Variants in DGKH observed in about 807,000 individuals in gnomAD.
DGKH encodes diacylglycerol kinase eta.
DGKH carries 90 observed loss-of-function variants against 159.3 expected under a neutral mutation model. The ratio of observed to expected loss-of-function variants is 0.57; its 90% CI spans 0.48 to 0.67. The LOEUF (loss-of-function observed/expected upper bound fraction) is 0.67, where lower values mean the gene tolerates loss of function less well. DGKH is among the 30% of genes least tolerant of loss of function. DGKH has a pLI of 0.00. For missense variants in DGKH, 1,181 were observed against 1,506.1 expected (o/e 0.78, Z 3.57); for synonymous variants, 536 against 553.8 (o/e 0.97, Z 0.45).
Position 42,215,583 on chromosome 13 carries a change from A to T in DGKH, c.3129A>T (p.Thr1043=). The T allele has an allele frequency of 6.2e-7, 1 of 1,609,824 alleles. No homozygotes were observed. The highest frequency in any genetic ancestry group is 1.1e-5 in the South Asian group (1 of 90,428). Residue 1043 remains threonine (T), a synonymous_variant, in exon 26 of 30, where the codon ACA becomes ACT. Transcript: ENST00000337343. ...KANPRCPESL[T]RDTATEIAIN... is the part of the protein sequence containing the mutation. ...ATATTCTTCTTTTCTAGAGTCTTAC[A>T]AGAGACACTGCCACTGAAATAGCCA...
In DGKH at chr13:42,214,520, G is replaced by A. The variant is rs1204237437; in HGVS notation, c.3028G>A (p.Ala1010Thr). ...TTTTGCTTTTAGGATATGTGACGCA[G>A]CCACAATTCACTGTCTTTTGGAGCA... Reference protein sequence around the residue: ...EELITRICDAATIHCLLEQEL... With the variant: ...EELITRICDATTIHCLLEQEL... The change falls in exon 25 of 30, where the codon GCC (alanine) becomes ACC (threonine). Residue 1010 changes from alanine to threonine, a missense_variant. Around this residue, in one of 5 missense-constraint regions of DGKH, gnomAD observed 335 missense variants for 495.2 expected, o/e 0.68. Coordinates refer to ENST00000337343, the MANE Select transcript of DGKH (RefSeq NM_178009.5). 6.2e-7 allele frequency: 1 copy of A among 1,611,776 alleles called. No individual in the cohort carries two copies. Among genetic ancestry groups the A allele is most frequent in the Non-Finnish European group, 8.5e-7 (1 of 1,178,950 alleles).
intron 16 of DGKH, among the ~76,000 whole-genome samples, chr13:42,193,020 C>G (rs1256006605): frequency 1.3e-5 from 2 of 152,124 alleles, no homozygotes; most frequent in African/African-American, 4.8e-5. Context: ...GAACTTTTAT[C>G]TTTTTTATTT....
intron 3 of DGKH, among the ~76,000 whole-genome samples, chr13:42,132,425 G>A (rs1034915636): frequency 5.9e-5 from 9 of 152,156 alleles, no homozygotes; most frequent in Admixed American, 3.3e-4. Flanking sequence ...TCTGAAAGAG[G>A]GTTTCAGAAT....
rs1958328196 is a variant in DGKH, at chr13:42,232,666, A to G, written c.*3478A>G. On this transcript the variant is annotated 3_prime_UTR_variant, in exon 30 of 30. Transcript: ENST00000337343. ...AAAACAATTTAAAGACACTAATTTT[A>G]CAGTTTGCGTTCTGTAAAAGGATAC... The G allele has an allele frequency of 6.6e-6, 1 of 152,212 alleles. No individual in the cohort carries two copies. Among genetic ancestry groups the G allele is most frequent in the Non-Finnish European group, 1.5e-5 (1 of 68,028 alleles). 9.4% of individuals were successfully genotyped at this position (152,212 alleles called of 1,614,324 possible). A position where few individuals can be genotyped will look rare whatever the true frequency, so the allele number is the denominator to read the frequency against.
chr13:42,110,910 G>A (rs114592541), intron 1 of DGKH, among the ~76,000 whole-genome samples: 2,493 of 152,238 alleles, frequency 0.016, 60 homozygotes, highest in East Asian at 0.083. Context: ...ACACTCAGTG[G>A]GGGGAGGAAG....
intron 1 of DGKH, among the ~76,000 whole-genome samples, chr13:42,123,533 AT>A (rs1955113618): frequency 2.6e-5 from 1 of 39,128 alleles, no homozygotes; most frequent in Admixed American, 3.9e-4. Context: ...AAAAGATGCC[AT>A]TAATACAATG....
At chr13:42,199,298 A>G (rs1303655824) in intron 18 of DGKH, among the ~76,000 whole-genome samples, 1 of 152,216 alleles carries the variant, frequency 6.6e-6, no homozygotes. Context: ...TTAAGTAGAA[A>G]TAGAACTAAG....
At chr13:42,119,427 T>G (rs189340326) in intron 1 of DGKH, among the ~76,000 whole-genome samples, 1 of 152,304 alleles carries the variant, frequency 6.6e-6, no homozygotes, top group East Asian at 1.9e-4. Context: ...GTGTTACTGG[T>G]CATCTGCACT....
Position 42,189,328 on chromosome 13 carries a change from A to G in DGKH, c.1912+19A>G. 12 of 1,611,630 alleles carry G rather than the reference A, an allele frequency of 7.4e-6. No homozygotes were observed. Among genetic ancestry groups the G allele is most frequent in the Non-Finnish European group, 1.0e-5 (12 of 1,178,042 alleles). ...GGAAAAGGTACACATTAACAAATTTAGCTTTGGAAGAAGTTGGCAGCATTT... is the reference window on the plus strand; with the variant it reads ...GGAAAAGGTACACATTAACAAATTTGGCTTTGGAAGAAGTTGGCAGCATTT... On this transcript the variant is annotated intron_variant, in intron 15 of 29. Coordinates refer to ENST00000337343, the MANE Select transcript of DGKH (RefSeq NM_178009.5).
intron 16 of DGKH, among the ~76,000 whole-genome samples, chr13:42,192,032 A>T (rs904887576): frequency 2.6e-5 from 4 of 152,300 alleles, no homozygotes; most frequent in Non-Finnish European, 4.4e-5. Context: ...AAGTTACTAT[A>T]AGTAAAGTGC....
intron 1 of DGKH, among the ~76,000 whole-genome samples, chr13:42,042,739 T>A (rs1880587764): frequency 6.6e-6 from 1 of 152,172 alleles, no homozygotes; most frequent in Non-Finnish European, 1.5e-5. Context: ...TGGTTTACAA[T>A]CAGAAAGTCA....
intron 24 of DGKH, among the ~76,000 whole-genome samples, chr13:42,211,526 CG>C: frequency 6.6e-6 from 1 of 152,024 alleles, no homozygotes; most frequent in East Asian, 1.9e-4. Flanking sequence ...GGTGAAACCC[CG>C]TCTCTACTAA....
intron 27 of DGKH, 30 bp downstream of exon 27, chr13:42,219,379 A>C: frequency 6.2e-7 from 1 of 1,610,526 alleles, no homozygotes; most frequent in Non-Finnish European, 8.5e-7. Context: ...TTTCTCTAGA[A>C]ATGTAGACCA....
At chr13:42,110,894 A>G (rs973324615) in intron 1 of DGKH, among the ~76,000 whole-genome samples, 4 of 152,226 alleles carry the variant, frequency 2.6e-5, no homozygotes, top group African/African-American at 4.8e-5. Context: ...ATACTAATTT[A>G]AAAATACACT....
chr13:42,081,575 C>G (rs1268079263), intron 1 of DGKH, among the ~76,000 whole-genome samples: 3 of 152,140 alleles, frequency 2.0e-5, no homozygotes, highest in Admixed American at 2.0e-4. Flanking sequence ...TCAGTTTGGA[C>G]TTAAACAGCT....
chr13:42,135,519 G>C (rs1348837042), intron 3 of DGKH, among the ~76,000 whole-genome samples: 2 of 106,412 alleles, frequency 1.9e-5, no homozygotes, highest in African/African-American at 5.9e-5. Context: ...GAGAGAGAGA[G>C]AAAAAGAAAA....
intron 1 of DGKH, among the ~76,000 whole-genome samples, chr13:42,111,790 G>A (rs1263796925): frequency 6.6e-6 from 1 of 152,128 alleles, no homozygotes; most frequent in Non-Finnish European, 1.5e-5. Context: ...ATTAGGTCTC[G>A]CGGGGCAGAC....
At position 42,236,917 on chromosome 13, in the gene DGKH, G is replaced by A. The variant is rs1251881881; in HGVS notation, c.*7729G>A. ...GACTCTGTCTCAGGGGGAAAAAAAA[G>A]AATTTTGAACCCCCCAAAATATCAC... On this transcript the variant is annotated 3_prime_UTR_variant, in exon 30 of 30. Coordinates refer to ENST00000337343, the MANE Select transcript of DGKH (RefSeq NM_178009.5). 1 of 152,072 alleles carries A rather than the reference G, an allele frequency of 6.6e-6. No homozygotes were observed. Among genetic ancestry groups the A allele is most frequent in the Non-Finnish European group, 1.5e-5 (1 of 68,016 alleles). The allele number at this position is 152,072 out of a possible 1,614,324, so 9.4% of individuals were successfully genotyped here. A position where few individuals can be genotyped will look rare whatever the true frequency, so the allele number is the denominator to read the frequency against.
chr13:42,094,614 T>C (rs186410727), intron 1 of DGKH, among the ~76,000 whole-genome samples: 2 of 152,326 alleles, frequency 1.3e-5, no homozygotes, highest in Admixed American at 1.3e-4. Flanking sequence ...GCGTCCTCAG[T>C]TGGATGGAGT....
Sources: gnomAD v4.1 joint callset for allele counts (sites outside exome capture counted in the v4.1 genomes callset) on GRCh38, gnomAD v4.1.1 for gene constraint, gnomAD v4.1.1 regional missense constraint, MANE v1.5 for transcripts, NCBI Gene and HGNC (gene_info 2026-07-23, HGNC 2026-07-21) for gene names.